DPP10: variants seen among roughly 807,000 people sequenced by gnomAD.
DPP10 encodes the protein inactive dipeptidyl peptidase 10.
DPP10 carries 33 observed loss-of-function variants against 120.9 expected under a neutral mutation model. That is an observed-to-expected ratio of 0.27 (90% confidence interval 0.21 to 0.37). The LOEUF is 0.37. Ranked by LOEUF, DPP10 falls within the 10% of genes least tolerant of loss-of-function variation. DPP10 has a pLI of 1.00. For synonymous variants in DPP10, 337 were observed against 326.1 expected (o/e 1.03, Z -0.36); for missense variants, 816 against 942.8 (o/e 0.87, Z 1.76).
intron 1 of DPP10, among the ~76,000 whole-genome samples, chr2:114,485,461 TG>T (rs1392529552): frequency 2.2e-5 from 3 of 136,880 alleles, no homozygotes; most frequent in Admixed American, 7.0e-5. Context: ...CAGGAAAAAC[TG>T]TTTTTTTTTT....
intron 1 of DPP10, among the ~76,000 whole-genome samples, chr2:115,014,313 T>C (rs1038265630): frequency 5.3e-5 from 8 of 152,032 alleles, no homozygotes; most frequent in Non-Finnish European, 1.0e-4. Flanking sequence ...AAAGACACAA[T>C]ATAGCAGAAT....
chr2:115,257,625 C>G (rs1333423930), intron 1 of DPP10, among the ~76,000 whole-genome samples: 1 of 152,144 alleles, frequency 6.6e-6, no homozygotes, highest in Non-Finnish European at 1.5e-5. Flanking sequence ...GATATCTGAG[C>G]ATGATATTTG....
intron 1 of DPP10, among the ~76,000 whole-genome samples, chr2:114,615,158 TTC>T (rs1355359855): frequency 6.6e-6 from 1 of 152,306 alleles, no homozygotes; most frequent in African/African-American, 2.4e-5. Flanking sequence ...ATCTTTTTTC[TTC>T]TTTTTGTTTG....
chr2:115,618,315 G>C (rs138998640), intron 5 of DPP10, among the ~76,000 whole-genome samples: 25 of 152,320 alleles, frequency 1.6e-4, no homozygotes, highest in Admixed American at 3.3e-4. Context: ...CAATGTGTCA[G>C]TTGAGTGAAC....
chr2:115,523,770 A>G (rs2077966641), intron 4 of DPP10, among the ~76,000 whole-genome samples: 1 of 152,182 alleles, frequency 6.6e-6, no homozygotes, highest in Admixed American at 6.5e-5. Flanking sequence ...GTATCATAGT[A>G]TTGCCCTGAA....
At chr2:115,124,703 A>G (rs1377883813) in intron 1 of DPP10, among the ~76,000 whole-genome samples, 1 of 152,234 alleles carries the variant, frequency 6.6e-6, no homozygotes, top group Non-Finnish European at 1.5e-5. Context: ...TGTTTCTATC[A>G]TGTAAATTTT....
At chr2:114,858,212 A>G (rs534161408) in intron 1 of DPP10, among the ~76,000 whole-genome samples, 2 of 152,080 alleles carry the variant, frequency 1.3e-5, no homozygotes, top group Non-Finnish European at 2.9e-5. Context: ...CTGGTCTCGA[A>G]CCCCTTAGCT....
intron 5 of DPP10, among the ~76,000 whole-genome samples, chr2:115,622,510 CTT>C (rs70941082): frequency 0.31 from 36,047 of 117,116 alleles, 6,492 homozygotes; most frequent in African/African-American, 0.54. Context: ...ATTTTATTGT[CTT>C]TTTTTTTTTT....
chr2:114,518,738 C>T (rs1475063075), intron 1 of DPP10, among the ~76,000 whole-genome samples: 3 of 152,136 alleles, frequency 2.0e-5, no homozygotes, highest in Non-Finnish European at 4.4e-5. Context: ...CCAGGTGATT[C>T]GTGTGCACAT....
chr2:115,522,476 C>T (rs1257245463), intron 4 of DPP10, among the ~76,000 whole-genome samples: 1 of 152,144 alleles, frequency 6.6e-6, no homozygotes, highest in Non-Finnish European at 1.5e-5. Flanking sequence ...TGGAATGATA[C>T]GTACAAAACA....
chr2:115,499,692 C>A, intron 4 of DPP10, 88 bp downstream of exon 4: 1 of 883,638 alleles, frequency 1.1e-6, no homozygotes, highest in Non-Finnish European at 1.7e-6. Context: ...TCTTCAGCTC[C>A]AGCATTTGTA....
In DPP10 at chr2:115,753,266, T is replaced by G; in HGVS notation, c.1043T>G (p.Val348Gly). Reference protein sequence around the residue: ...NRAQNISILTVCETTTGACSK... With the variant: ...NRAQNISILTGCETTTGACSK... ...GCTCAGAACATCTCCATCCTCACAG[T>G]CTGTGAGACCACTACAGGTGCTTGT... Residue 348 changes from valine (V) to glycine (G), a missense_variant, in exon 11 of 26, where the codon GTC (valine) becomes GGC (glycine). By Grantham distance (109) the Val-to-Gly change is moderately radical. Around this residue, in one of 3 missense-constraint regions of DPP10, gnomAD observed 592 missense variants for 649.0 expected, o/e 0.91. Coordinates refer to ENST00000410059, the MANE Select transcript of DPP10 (RefSeq NM_020868.6). 1 of 1,610,758 alleles carries G rather than the reference T, an allele frequency of 6.2e-7. No individual in the cohort carries two copies. The highest frequency in any genetic ancestry group is 8.5e-7 in the Non-Finnish European group (1 of 1,177,828).
chr2:114,595,899 T>C (rs11681564), intron 1 of DPP10, among the ~76,000 whole-genome samples: 22,331 of 152,078 alleles, frequency 0.15, 2,007 homozygotes, highest in African/African-American at 0.25. Context: ...CAACCAGATT[T>C]TGATAAGAGG....
chr2:115,564,150 TC>T (rs1342083236), intron 5 of DPP10, among the ~76,000 whole-genome samples: 1 of 151,984 alleles, frequency 6.6e-6, no homozygotes, highest in Non-Finnish European at 1.5e-5. Flanking sequence ...ATAAACATAT[TC>T]CAATTATGGA....
chr2:115,350,494 C>A (rs1206375935), intron 3 of DPP10, among the ~76,000 whole-genome samples: 1 of 151,960 alleles, frequency 6.6e-6, no homozygotes, highest in Non-Finnish European at 1.5e-5. Context: ...TCAAACCTAA[C>A]AAGTAAATGG....
At chr2:115,344,028 TGGGA>T in intron 3 of DPP10, 116 bp downstream of exon 3, 2 of 714,998 alleles carry the variant, frequency 2.8e-6, no homozygotes, top group Non-Finnish European at 4.0e-6. Flanking sequence ...CCCAGCACCT[TGGGA>T]GGCCAAGGCA....
chr2:114,856,445 G>A (rs1420095763), intron 1 of DPP10, among the ~76,000 whole-genome samples: 1 of 152,116 alleles, frequency 6.6e-6, no homozygotes, highest in African/African-American at 2.4e-5. Context: ...GTGTCAATAT[G>A]TCATCTGTGA....
chr2:115,656,146 AC>A (rs2088309956), intron 5 of DPP10, among the ~76,000 whole-genome samples: 1 of 150,982 alleles, frequency 6.6e-6, no homozygotes, highest in African/African-American at 2.4e-5. Flanking sequence ...ACACACACAC[AC>A]ACACACACAC....
intron 1 of DPP10, among the ~76,000 whole-genome samples, chr2:114,533,899 T>A (rs1686262897): frequency 6.6e-6 from 1 of 152,186 alleles, no homozygotes; most frequent in Non-Finnish European, 1.5e-5. Context: ...GCTCACTAGG[T>A]CCTTTACATC....
Sources: gnomAD v4.1 joint callset for allele counts (sites outside exome capture counted in the v4.1 genomes callset) on GRCh38, gnomAD v4.1.1 for gene constraint, gnomAD v4.1.1 regional missense constraint, MANE v1.5 for transcripts, NCBI Gene and HGNC (gene_info 2026-07-23, HGNC 2026-07-21) for gene names.